Variants in ENTPD7 observed in about 807,000 individuals in gnomAD.
The protein encoded by ENTPD7 is NTPDase 7.
ENTPD7 carries 53 observed loss-of-function variants against 77.9 expected under a neutral mutation model. That is an observed-to-expected ratio of 0.68 (90% CI 0.55 to 0.85). The LOEUF (loss-of-function observed/expected upper bound fraction) is 0.85, where lower values mean the gene tolerates loss of function less well. Among genes scored for constraint, ENTPD7 ranks in the 40% least tolerant of loss-of-function variants. The pLI, the probability that ENTPD7 is intolerant of heterozygous loss-of-function variation, is 0.00. For missense variants in ENTPD7, 636 were observed against 743.7 expected, an observed-to-expected ratio of 0.86 and a Z score of 1.68; for synonymous variants, 248 against 274.9, an observed-to-expected ratio of 0.90 and a Z score of 0.97.
chr10:99,673,624 A>G (rs561598794), intron 3 of ENTPD7, among the ~76,000 whole-genome samples: 5 of 152,224 alleles, frequency 3.3e-5, no homozygotes, highest in African/African-American at 1.2e-4. Context: ...CAAAGCACAC[A>G]TGGAGACTTC....
At chr10:99,662,661 C>T (rs1012097351) in intron 3 of ENTPD7, among the ~76,000 whole-genome samples, 6 of 43,462 alleles carry the variant, frequency 1.4e-4, no homozygotes, top group Middle Eastern at 0.024. Context: ...GCTGAAGGGA[C>T]GGAGAAACCA....
At chr10:99,702,478 CT>C (rs1554838479) in intron 11 of ENTPD7, 33 bp from the exon 12 acceptor site, 1 of 1,501,416 alleles carries the variant, frequency 6.7e-7, no homozygotes, top group Non-Finnish European at 8.9e-7. Flanking sequence ...ATTCTTTTCT[CT>C]TTTTTTAAAA....
At chr10:99,669,895 A>G (rs927162089) in intron 3 of ENTPD7, among the ~76,000 whole-genome samples, 12 of 151,314 alleles carry the variant, frequency 7.9e-5, no homozygotes, top group African/African-American at 2.7e-4. Context: ...GACTACAGGC[A>G]CCCGCCACCA....
At chr10:99,686,924 T>C (rs1346221230) in intron 6 of ENTPD7, among the ~76,000 whole-genome samples, 2 of 150,382 alleles carry the variant, frequency 1.3e-5, no homozygotes, top group Admixed American at 6.6e-5. Context: ...ATCTTTTTTT[T>C]TTTTTTTTTT....
Position 99,679,801 on chromosome 10 carries a change from T to C in ENTPD7, c.474T>C (p.His158=), listed in dbSNP as rs764512034. The C allele has an allele frequency of 3.1e-6, 5 of 1,614,230 alleles. No homozygotes were observed. Among genetic ancestry groups the C allele is most frequent in the Middle Eastern group, 1.6e-4 (1 of 6,062 alleles). The change falls in exon 5 of 13, where the codon CAT becomes CAC. Residue 158 remains histidine (H), a synonymous_variant. Transcript: ENST00000370489. ...LRPLLSFAAA[H]VPVKKHKETP... is the part of the protein sequence containing the mutation. The stretch of plus-strand genomic sequence containing the variant: ...CTCTGCTGAGCTTTGCTGCTGCTCA[T>C]GTGCCTGTGAAGAAGCACAAGGAGA...
intron 3 of ENTPD7, among the ~76,000 whole-genome samples, chr10:99,677,554 G>A (rs1018642020): frequency 1.3e-4 from 19 of 151,910 alleles, no homozygotes; most frequent in African/African-American, 4.6e-4. Context: ...TAGTAGAAAT[G>A]GGGTTTCACC....
At chr10:99,694,120 A>G (rs2035929676) in intron 8 of ENTPD7, among the ~76,000 whole-genome samples, 2 of 152,192 alleles carry the variant, frequency 1.3e-5, no homozygotes, top group South Asian at 4.1e-4. Context: ...ATTGAATTCC[A>G]GAACATTTCA....
In ENTPD7 at chr10:99,698,709, A is replaced by T. The variant is rs1343436492; in HGVS notation, c.1186A>T (p.Ser396Cys). Residue 396 changes from serine (S) to cysteine (C), a missense_variant, in exon 10 of 13, where the codon AGC (serine) becomes TGC (cysteine). Coordinates refer to ENST00000370489, the MANE Select transcript of ENTPD7 (RefSeq NM_020354.5). ...CCCCCTGCTGGCTCGCTCCAACACC[A>T]GCCAGGCCTCACTCAATGGCATATA... ...LSPLLARSNT[S>C]QASLNGIYQS... The T allele has an allele frequency of 6.2e-7, 1 of 1,614,204 alleles. No individual in the cohort carries two copies. The highest frequency in any genetic ancestry group is 8.5e-7 in the Non-Finnish European group (1 of 1,180,042).
intron 2 of ENTPD7, 120 bp downstream of exon 2, chr10:99,660,084 T>C (rs2133429558): frequency 6.8e-7 from 1 of 1,466,404 alleles, no homozygotes; most frequent in Non-Finnish European, 9.4e-7. Flanking sequence ...GACTTTGTAT[T>C]CTGGTTAGTT....
rs2036346487 is a variant in ENTPD7 at position 99,710,476 on chromosome 10, G to C, written c.*5793G>C. On this transcript the variant is annotated 3_prime_UTR_variant, in exon 13 of 13. Transcript: ENST00000370489. ...CACTTTAAAAAACCAAAGGCTGCCT[G>C]TATTACATTGCTTTGGGGAGTTGTT... 1 of 985,392 alleles carries C rather than the reference G, an allele frequency of 1.0e-6. No individual in the cohort carries two copies. The highest frequency in any genetic ancestry group is 1.2e-6 in the Non-Finnish European group (1 of 829,920). The allele number at this position is 985,392 out of a possible 1,614,324, so 61.0% of individuals were successfully genotyped here.
In ENTPD7 at chr10:99,698,805, G is replaced by A. The variant is rs1182506905; in HGVS notation, c.1282G>A (p.Val428Met). Reference protein sequence around the residue: ...FSEFFYCTEDVLRIGGRYHGP... With the variant: ...FSEFFYCTEDMLRIGGRYHGP... ...TGAGTTTTTTTATTGTACAGAGGAT[G>A]TGTTGCGCATTGGTGGCCGCTACCA... is the stretch of plus-strand genomic sequence containing the variant. Residue 428 changes from valine to methionine, a missense_variant, in exon 10 of 13, where the codon GTG becomes ATG. Val to Met is a conservative substitution (Grantham distance 21). This residue lies in a region of ENTPD7 where 486 missense variants were observed against 556.5 expected (regional missense o/e 0.87). Coordinates refer to ENST00000370489, the MANE Select transcript of ENTPD7 (RefSeq NM_020354.5). The A allele has an allele frequency of 1.9e-6, 3 of 1,613,582 alleles. No homozygotes were observed. The highest frequency in any genetic ancestry group is 2.2e-5 in the East Asian group (1 of 44,876).
At chr10:99,700,910 G>T (rs773681355) in intron 10 of ENTPD7, 63 bp from the exon 11 acceptor site, 1 of 1,327,772 alleles carries the variant, frequency 7.5e-7, no homozygotes, top group Non-Finnish European at 1.1e-6. Context: ...AGCTGTGACT[G>T]TGGGGAAGGT....
intron 3 of ENTPD7, among the ~76,000 whole-genome samples, chr10:99,672,089 C>T (rs1028669501): frequency 6.6e-6 from 1 of 152,128 alleles, no homozygotes; most frequent in Non-Finnish European, 1.5e-5. Context: ...TCAAGCCATC[C>T]TCCTGCCTCA....
chr10:99,694,886 A>G (rs990974070), intron 8 of ENTPD7, among the ~76,000 whole-genome samples: 2 of 152,230 alleles, frequency 1.3e-5, no homozygotes, highest in African/African-American at 4.8e-5. Context: ...TGCAGGGCAC[A>G]ATGGTATTTT....
intron 3 of ENTPD7, among the ~76,000 whole-genome samples, chr10:99,673,151 A>G (rs1470622754): frequency 6.6e-6 from 1 of 151,968 alleles, no homozygotes; most frequent in African/African-American, 2.4e-5. Context: ...AGTGAATCAG[A>G]CCTCTTTAGG....
chr10:99,659,939 G>T lies in ENTPD7; in HGVS notation c.-18G>T. On this transcript the variant is annotated 5_prime_UTR_variant, in exon 2 of 13. Coordinates refer to ENST00000370489, the MANE Select transcript of ENTPD7 (RefSeq NM_020354.5). This position sits in a 1 kb window ranked among gnomAD's most constrained non-coding sequence, Gnocchi z 4.1. ...AGAAAAAGAAGGTGACAGGCGTTGA[G>T]ACCACCGAAGGGAACCCATGGCTAG... is the stretch of plus-strand genomic sequence containing the variant. 6.2e-7 allele frequency: 1 copy of T among 1,614,040 alleles called. No individual in the cohort carries two copies. The highest frequency in any genetic ancestry group is 1.1e-5 in the South Asian group (1 of 91,066).
chr10:99,669,749 T>TG (rs899199761), intron 3 of ENTPD7, among the ~76,000 whole-genome samples: 5 of 126,100 alleles, frequency 4.0e-5, no homozygotes, highest in African/African-American at 9.0e-5. Flanking sequence ...GGTTTTTTTT[T>TG]TTTTTTTTTT....
intron 12 of ENTPD7, 38 bp from the exon 13 acceptor site, chr10:99,704,414 C>T: frequency 6.3e-7 from 1 of 1,598,186 alleles, no homozygotes. Flanking sequence ...TGAAACTTAA[C>T]AGTTTTTTCC....
intron 3 of ENTPD7, among the ~76,000 whole-genome samples, chr10:99,667,929 CTTT>C (rs61543336): frequency 2.3e-5 from 2 of 85,542 alleles, no homozygotes; most frequent in Admixed American, 1.7e-4. Context: ...AAATGATAAT[CTTT>C]TTTTTTTTTT....
Sources: gnomAD v4.1 joint callset for allele counts (sites outside exome capture counted in the v4.1 genomes callset) on GRCh38, gnomAD v4.1.1 for gene constraint, gnomAD v4.1.1 regional missense constraint, Gnocchi (gnomAD v3.1) non-coding constraint, MANE v1.5 for transcripts, NCBI Gene and HGNC (gene_info 2026-07-23, HGNC 2026-07-21) for gene names.